XYLB: variants seen among roughly 807,000 people sequenced by gnomAD.
XYLB encodes xylulokinase, also known as xylulose kinase.
In XYLB, 62 loss-of-function variants were observed where a neutral mutation model predicts 78.7. That is an observed-to-expected ratio of 0.79 (90% CI 0.64 to 0.97). XYLB has a LOEUF of 0.97. Among genes scored for constraint, XYLB ranks in the 50% least tolerant of loss-of-function variants. XYLB has a pLI of 0.00. For synonymous variants in XYLB, 245 were observed against 247.4 expected (o/e 0.99, Z 0.09); for missense variants, 687 against 676.8 (o/e 1.02, Z -0.17).
rs1466148766 is a variant in XYLB at position 38,375,207 on chromosome 3, G to A, written c.952G>A (p.Gly318Ser). Reference sequence around the variant, plus strand: ...CCAAGAGCCCATGCCTGCCCTGGAAGGCCACATCTTCTGCAACCCGGTTGA... The same window carrying A: ...CCAAGAGCCCATGCCTGCCCTGGAAAGCCACATCTTCTGCAACCCGGTTGA... ...WLQEPMPALE[G>S]HIFCNPVDSQ... is the part of the protein sequence containing the mutation. The change falls in exon 12 of 19, where the codon GGC becomes AGC. Residue 318 changes from glycine (G) to serine (S), a missense_variant. Gly to Ser is a moderately conservative substitution (Grantham distance 56). Coordinates refer to ENST00000207870, the MANE Select transcript of XYLB (RefSeq NM_005108.4). The A allele has an allele frequency of 1.2e-6, 2 of 1,614,210 alleles. No individual in the cohort carries two copies. The highest frequency in any genetic ancestry group is 1.7e-6 in the Non-Finnish European group (2 of 1,180,026).
rs1313439927 is a variant in XYLB, at chr3:38,374,503, G to A, written c.888+1G>A. On this transcript the variant is annotated splice_donor_variant, in intron 11 of 18. Coordinates refer to ENST00000207870, the MANE Select transcript of XYLB (RefSeq NM_005108.4). LOFTEE classifies it high-confidence loss of function. ...GAGACTGGAGGAAGGTGACATTGCGGTAAGGCGACTTCCCACACCCATAGG... is the reference window on the plus strand; with the variant it reads ...GAGACTGGAGGAAGGTGACATTGCGATAAGGCGACTTCCCACACCCATAGG... 1.2e-6 allele frequency: 2 copies of A among 1,613,584 alleles called. No homozygotes were observed. Among genetic ancestry groups the A allele is most frequent in the Non-Finnish European group, 1.7e-6 (2 of 1,179,744 alleles).
chr3:38,415,317 C>A (rs1226514852), downstream of XYLB, among the ~76,000 whole-genome samples: 1 of 152,180 alleles, frequency 6.6e-6, no homozygotes, highest in Non-Finnish European at 1.5e-5. Context: ...ATTATACTCA[C>A]AACTTCTTCC....
At chr3:38,368,417 A>C (rs1406523670) in intron 8 of XYLB, among the ~76,000 whole-genome samples, 160 bp downstream of exon 8, 1 of 152,166 alleles carries the variant, frequency 6.6e-6, no homozygotes, top group East Asian at 1.9e-4. Flanking sequence ...ACCACATAAC[A>C]AATGACCCCA....
At chr3:38,428,083 C>T in the XYLB span, among the ~76,000 whole-genome samples, 4 of 152,110 alleles carry the variant, frequency 2.6e-5, no homozygotes, top group Non-Finnish European at 4.4e-5. Context: ...TGCTGTTTTT[C>T]GTTAATTCTT....
intron 18 of XYLB, among the ~76,000 whole-genome samples, chr3:38,406,562 G>T (rs546597892): frequency 1.3e-5 from 2 of 152,220 alleles, no homozygotes; most frequent in South Asian, 2.1e-4. Flanking sequence ...TTGAGAGAAG[G>T]CTTCAGATGA....
At chr3:38,390,512 C>T (rs975046648) in intron 15 of XYLB, among the ~76,000 whole-genome samples, 4 of 152,096 alleles carry the variant, frequency 2.6e-5, no homozygotes, top group Non-Finnish European at 5.9e-5. Flanking sequence ...CTGTGCCCAG[C>T]CTATTATATT....
downstream of XYLB, among the ~76,000 whole-genome samples, chr3:38,422,529 C>T (rs555938371): frequency 2.6e-5 from 4 of 152,100 alleles, no homozygotes; most frequent in African/African-American, 7.2e-5. Context: ...CAGCACTGGC[C>T]GTCTGTGTGG....
chr3:38,391,711 T>C (rs1405343383), intron 15 of XYLB, among the ~76,000 whole-genome samples: 1 of 152,202 alleles, frequency 6.6e-6, no homozygotes, highest in African/African-American at 2.4e-5. Context: ...ATGAGGGCTC[T>C]TGTGTATTAA....
the XYLB span, among the ~76,000 whole-genome samples, chr3:38,431,468 T>C: frequency 1.3e-5 from 2 of 152,256 alleles, no homozygotes; most frequent in African/African-American, 4.8e-5. Context: ...GATGGGGTTT[T>C]CTAAACATAC....
chr3:38,427,866 A>G, the XYLB span, among the ~76,000 whole-genome samples: 36 of 152,350 alleles, frequency 2.4e-4, no homozygotes, highest in African/African-American at 8.2e-4. Context: ...TTCTGGGATT[A>G]CAGGTGTGAG....
At chr3:38,370,292 C>A (rs1176098104) in intron 9 of XYLB, 118 bp downstream of exon 9, 2 of 736,298 alleles carry the variant, frequency 2.7e-6, no homozygotes, top group African/African-American at 1.7e-5. Flanking sequence ...TATTTGTTCA[C>A]TCACCCACAG....
chr3:38,377,638 G>A (rs577757173), intron 14 of XYLB, among the ~76,000 whole-genome samples: 2 of 151,834 alleles, frequency 1.3e-5, no homozygotes, highest in East Asian at 3.9e-4. Flanking sequence ...AGTAGATAGG[G>A]GTTTCTCCAT....
At chr3:38,441,397 G>T in the XYLB span, among the ~76,000 whole-genome samples, 1 of 152,192 alleles carries the variant, frequency 6.6e-6, no homozygotes, top group Non-Finnish European at 1.5e-5. Flanking sequence ...CCTGCCCTTT[G>T]TATCTTATTA....
chr3:38,427,363 A>G, the XYLB span, among the ~76,000 whole-genome samples: 3 of 152,190 alleles, frequency 2.0e-5, no homozygotes, highest in Non-Finnish European at 4.4e-5. Context: ...TTAACTTGTC[A>G]AATTTATTAG....
chr3:38,365,792 A>G, intron 6 of XYLB, 56 bp downstream of exon 6: 1 of 1,542,522 alleles, frequency 6.5e-7, no homozygotes, highest in Non-Finnish European at 8.8e-7. Flanking sequence ...CTCCGGAGGC[A>G]TAGTGGGTGA....
In XYLB at chr3:38,397,059, G is replaced by A. The variant is rs777983500; in HGVS notation, c.1351-13G>A. 11 of 1,613,942 alleles carry A rather than the reference G, an allele frequency of 6.8e-6. No individual in the cohort carries two copies. The highest frequency in any genetic ancestry group is 1.7e-5 in the Admixed American group (1 of 60,008). On this transcript the variant is annotated splice_polypyrimidine_tract_variant and intron_variant, in intron 16 of 18. Transcript: ENST00000207870. The stretch of plus-strand genomic sequence containing the variant: ...AATGGCTCACCACAGTAGAACCTCT[G>A]TGTCCTTTTCAGGTGCTTGCAGATG...
chr3:38,367,547 C>A (rs997838099), intron 7 of XYLB, among the ~76,000 whole-genome samples: 2 of 152,208 alleles, frequency 1.3e-5, no homozygotes, highest in Admixed American at 6.5e-5. Context: ...TTAATGTAGG[C>A]TTTGGGTAGA....
At chr3:38,364,185 C>T (rs1294036406) in intron 4 of XYLB, among the ~76,000 whole-genome samples, 1 of 151,994 alleles carries the variant, frequency 6.6e-6, no homozygotes, top group Non-Finnish European at 1.5e-5. Flanking sequence ...TCTCCCCATC[C>T]ACCCAGGGCA....
At chr3:38,441,556 C>G in the XYLB span, among the ~76,000 whole-genome samples, 1 of 152,172 alleles carries the variant, frequency 6.6e-6, no homozygotes, top group Non-Finnish European at 1.5e-5. Context: ...AGAAAAGTAG[C>G]AGGGTTGAGG....
Sources: gnomAD v4.1 joint callset for allele counts (sites outside exome capture counted in the v4.1 genomes callset) on GRCh38, gnomAD v4.1.1 for gene constraint, MANE v1.5 for transcripts, NCBI Gene and HGNC (gene_info 2026-07-23, HGNC 2026-07-21) for gene names.